Variants in AUTS2 observed in about 807,000 individuals in gnomAD.
AUTS2 encodes autism susceptibility gene 2 protein.
In AUTS2, 17 loss-of-function variants were observed where a neutral mutation model predicts 112.4. That is an observed-to-expected ratio of 0.15 (90% CI 0.10 to 0.23). The LOEUF is 0.23. Among genes scored for constraint, AUTS2 ranks in the 10% least tolerant of loss-of-function variants. The pLI is 1.00. For missense variants in AUTS2, 1,510 were observed against 1,701.6 expected (o/e 0.89, Z 1.98); for synonymous variants, 751 against 702.7 (o/e 1.07, Z -1.09).
rs559012557 is a variant in AUTS2 at position 70,236,088 on chromosome 7, C to T, written c.660+101517C>T. Among the ~76,000 whole-genome samples, 11 of 152,284 alleles carry T rather than the reference C, an allele frequency of 7.2e-5. 1 individual carries two copies. In the South Asian group the frequency reaches 2.3e-3, roughly 32 times the overall value. On this transcript the variant is annotated intron_variant, in intron 4 of 18. Transcript: ENST00000342771. Reference sequence around the variant, plus strand: ...ACCAACCCAGACTAGAATGTCAGGTCCCTGAAAGTGAGGTATGTGCCATAC... The same window carrying T: ...ACCAACCCAGACTAGAATGTCAGGTTCCTGAAAGTGAGGTATGTGCCATAC...
chr7:70,448,318 A>T (rs1796399558), intron 5 of AUTS2, among the ~76,000 whole-genome samples: 1 of 152,216 alleles, frequency 6.6e-6, no homozygotes, highest in African/African-American at 2.4e-5. Context: ...AATAAGCCAG[A>T]CATAAAGTGA....
rs1230066440 is a variant in AUTS2, at chr7:70,793,452, T to C, written c.*2456T>C. ...CTGTCCTCTAAAATCTGTTTTGTTT[T>C]TTTCCATGATGTTAAAAAAACAAAA... On this transcript the variant is annotated 3_prime_UTR_variant, in exon 19 of 19. Coordinates refer to ENST00000342771, the MANE Select transcript of AUTS2 (RefSeq NM_015570.4). 1.3e-5 allele frequency: 2 copies of C among 152,160 alleles called. No individual in the cohort carries two copies. Among genetic ancestry groups the C allele is most frequent in the African/African-American group, 4.8e-5 (2 of 41,426 alleles). The allele number at this position is 152,160 out of a possible 1,614,324, so 9.4% of individuals were successfully genotyped here. A position where few individuals can be genotyped will look rare whatever the true frequency, so the allele number is the denominator to read the frequency against.
At chr7:69,997,506 A>C (rs955142865) in intron 2 of AUTS2, among the ~76,000 whole-genome samples, 11 of 152,312 alleles carry the variant, frequency 7.2e-5, no homozygotes, top group Middle Eastern at 3.4e-3. Context: ...TGGGTAATTT[A>C]TAAAGAAAGG....
rs995007077 is a variant in AUTS2 at position 70,694,002 on chromosome 7, C to G, written c.691-4567C>G. 23 of 151,826 alleles carry G rather than the reference C, an allele frequency of 1.5e-4. No homozygotes were observed. The highest frequency in any genetic ancestry group is 5.3e-4 in the African/African-American group (22 of 41,496). 9.4% of individuals were successfully genotyped at this position (151,826 alleles called of 1,614,324 possible). Reference sequence around the variant, plus strand: ...CGCGCGGGGCGGGACGGAGGAGGGGCGGTGGCACCGGCGGCTCGGGCTCGG... The same window carrying G: ...CGCGCGGGGCGGGACGGAGGAGGGGGGGTGGCACCGGCGGCTCGGGCTCGG... On this transcript the variant is annotated intron_variant, in intron 5 of 18. Coordinates refer to ENST00000342771, the MANE Select transcript of AUTS2 (RefSeq NM_015570.4). The surrounding 1 kb of genome is among the most constrained non-coding windows in gnomAD (Gnocchi z 4.1).
At position 69,958,440 on chromosome 7, in the gene AUTS2, A is replaced by G. The variant is rs75731538; in HGVS notation, c.522+58942A>G. On this transcript the variant is annotated intron_variant, in intron 2 of 18. Coordinates refer to ENST00000342771, the MANE Select transcript of AUTS2 (RefSeq NM_015570.4). ...CTTAGCCATGGACTGTTTGGCTTCT[A>G]TCTCATGTTCCCTACTTGCAAGAAA... Among the ~76,000 whole-genome samples the G allele has an allele frequency of 2.9e-3, 448 of 152,256 alleles. 5 individuals are homozygous for G. The highest frequency in any genetic ancestry group is 0.01 in the African/African-American group (434 of 41,550).
chr7:70,265,921 C>T (rs1172996377), intron 4 of AUTS2, among the ~76,000 whole-genome samples: 1 of 152,104 alleles, frequency 6.6e-6, no homozygotes, highest in Non-Finnish European at 1.5e-5. Flanking sequence ...CAGTAAGGCC[C>T]AAATAAACTG....
At chr7:70,130,063 T>C (rs920349127) in intron 3 of AUTS2, among the ~76,000 whole-genome samples, 2 of 152,160 alleles carry the variant, frequency 1.3e-5, no homozygotes, top group Non-Finnish European at 2.9e-5. Flanking sequence ...CTTGTTCATG[T>C]GATTCCTGGC....
chr7:70,513,449 G>A (rs571238147), intron 5 of AUTS2, among the ~76,000 whole-genome samples: 24 of 152,252 alleles, frequency 1.6e-4, no homozygotes, highest in African/African-American at 5.8e-4. Flanking sequence ...GGAGAGTGAG[G>A]ATGTAATAAG....
chr7:70,447,107 G>A (rs905515483), intron 5 of AUTS2, among the ~76,000 whole-genome samples: 2 of 152,198 alleles, frequency 1.3e-5, no homozygotes, highest in Non-Finnish European at 2.9e-5. Flanking sequence ...GTCTGCCTAC[G>A]TTCAGACTGA....
At chr7:70,658,338 A>G (rs1806887649) in intron 5 of AUTS2, among the ~76,000 whole-genome samples, 1 of 152,184 alleles carries the variant, frequency 6.6e-6, no homozygotes, top group South Asian at 2.1e-4. Context: ...CTCCCCCCCA[A>G]CACCACACTT....
At chr7:69,713,427 C>G (rs1336394922) in intron 1 of AUTS2, among the ~76,000 whole-genome samples, 1 of 151,614 alleles carries the variant, frequency 6.6e-6, no homozygotes, top group Non-Finnish European at 1.5e-5. Context: ...CTTTCCCTTC[C>G]CAGCCTCAGT....
intron 4 of AUTS2, among the ~76,000 whole-genome samples, chr7:70,372,175 T>C (rs1258475928): frequency 6.6e-6 from 1 of 152,192 alleles, no homozygotes; most frequent in East Asian, 1.9e-4. Flanking sequence ...AAAACTGATA[T>C]TCCAGAAAGA....
intron 3 of AUTS2, among the ~76,000 whole-genome samples, chr7:70,132,389 T>G (rs1806324811): frequency 6.6e-6 from 1 of 152,136 alleles, no homozygotes; most frequent in Non-Finnish European, 1.5e-5. Context: ...CTTTGTTACA[T>G]TATGTTAATT....
intron 1 of AUTS2, among the ~76,000 whole-genome samples, chr7:69,754,722 T>G (rs1384100652): frequency 6.6e-6 from 1 of 152,144 alleles, no homozygotes; most frequent in Non-Finnish European, 1.5e-5. Flanking sequence ...GCCAGGAACT[T>G]TAAGTAATCT....
intron 5 of AUTS2, among the ~76,000 whole-genome samples, chr7:70,514,647 G>C (rs974318785): frequency 6.6e-6 from 1 of 152,196 alleles, no homozygotes; most frequent in Non-Finnish European, 1.5e-5. Flanking sequence ...TTCAACATGA[G>C]ATTTGGAGGG....
chr7:70,104,292 G>T (rs1804655791), intron 2 of AUTS2, among the ~76,000 whole-genome samples: 1 of 151,404 alleles, frequency 6.6e-6, no homozygotes, highest in Non-Finnish European at 1.5e-5. Context: ...AGAAAATTGG[G>T]TCTGTTCTTA....
intron 5 of AUTS2, among the ~76,000 whole-genome samples, chr7:70,622,944 C>CAG (rs1804754158): frequency 6.6e-6 from 1 of 152,160 alleles, no homozygotes; most frequent in East Asian, 1.9e-4. Flanking sequence ...GTGCTGAAAA[C>CAG]AGAGATGTGT....
At chr7:69,671,497 G>GTA (rs1283619287) in intron 1 of AUTS2, among the ~76,000 whole-genome samples, 1 of 147,372 alleles carries the variant, frequency 6.8e-6, no homozygotes, top group East Asian at 2.0e-4. Flanking sequence ...GTGTGTGTGT[G>GTA]TGTGTGTGTG....
chr7:70,708,635 C>G (rs1809869859), intron 6 of AUTS2, among the ~76,000 whole-genome samples: 1 of 151,880 alleles, frequency 6.6e-6, no homozygotes, highest in South Asian at 2.1e-4. Flanking sequence ...AAAAGCTTAT[C>G]TGAGGTGAGC....
Sources: gnomAD v4.1 joint callset for allele counts (sites outside exome capture counted in the v4.1 genomes callset) on GRCh38, gnomAD v4.1.1 for gene constraint, Gnocchi (gnomAD v3.1) non-coding constraint, MANE v1.5 for transcripts, NCBI Gene and HGNC (gene_info 2026-07-23, HGNC 2026-07-21) for gene names.